SNAP25: variants seen among roughly 807,000 people sequenced by gnomAD.
SNAP25 encodes synaptosome associated protein 25, also known as synaptosomal-associated protein 25.
SNAP25 carries 3 observed loss-of-function variants against 28.7 expected under a neutral mutation model. The observed-to-expected ratio is 0.10, with a 90% CI of 0.05 to 0.27. The LOEUF is 0.27. SNAP25 is among the 10% of genes least tolerant of loss of function. The pLI is 1.00. For synonymous variants in SNAP25, 61 were observed against 88.1 expected, an observed-to-expected ratio of 0.69 and a Z score of 1.72; for missense variants, 117 against 278.7, an observed-to-expected ratio of 0.42 and a Z score of 4.13.
At chr20:10,222,833 C>A (rs1347053955) in intron 1 of SNAP25, among the ~76,000 whole-genome samples, 1 of 152,118 alleles carries the variant, frequency 6.6e-6, no homozygotes, top group East Asian at 1.9e-4. Flanking sequence ...ACATATAATT[C>A]CTGCTTGGAA....
Position 10,224,257 on chromosome 20 carries a change from C to CTTTTTTT in SNAP25, c.-64+5309_-64+5315dup, listed in dbSNP as rs71332917. 2.9e-3 allele frequency among the ~76,000 whole-genome samples: 50 copies of CTTTTTTT among 17,410 alleles called. 6 individuals are homozygous for CTTTTTTT. The highest frequency in any genetic ancestry group is 7.3e-3 in the African/African-American group (27 of 3,684). 11.4% of individuals were successfully genotyped at this position (17,410 alleles called of 152,430 possible). A position where few individuals can be genotyped will look rare whatever the true frequency, so the allele number is the denominator to read the frequency against. ...AATAAGGCATAGAGAATGTACATGTCTTTTTTTTTTTTTTTTTTTTTTTTT... is the reference window on the plus strand; with the variant it reads ...AATAAGGCATAGAGAATGTACATGTCTTTTTTTTTTTTTTTTTTTTTTTTTTTTTTTT... On this transcript the variant is annotated intron_variant, in intron 1 of 7. Transcript: ENST00000254976.
At chr20:10,248,611 T>C (rs898651965) in intron 1 of SNAP25, among the ~76,000 whole-genome samples, 6 of 152,158 alleles carry the variant, frequency 3.9e-5, no homozygotes, top group African/African-American at 1.4e-4. Context: ...CAACGATCAT[T>C]TTTGAGATGA....
rs190459608 is a variant in SNAP25 at position 10,247,142 on chromosome 20, C to G, written c.-64+28165C>G. On this transcript the variant is annotated intron_variant, in intron 1 of 7. Transcript: ENST00000254976. ...AGTTAGAAAAGAACTGGCAATTTCT[C>G]GATGGCAAATGCAAACATCTTTTTT... is the stretch of plus-strand genomic sequence containing the variant. Among the ~76,000 whole-genome samples, 127 of 152,236 alleles carry G rather than the reference C, an allele frequency of 8.3e-4. 1 individual carries two copies. The highest frequency in any genetic ancestry group is 2.9e-3 in the Admixed American group (44 of 15,294).
chr20:10,241,109 T>C (rs1350743025), intron 1 of SNAP25, among the ~76,000 whole-genome samples: 2 of 145,338 alleles, frequency 1.4e-5, no homozygotes, highest in African/African-American at 5.0e-5. Context: ...AGGGCCGACA[T>C]GGGCTTTCCT....
chr20:10,253,933 G>T (rs2063274315), intron 1 of SNAP25, among the ~76,000 whole-genome samples: 1 of 152,162 alleles, frequency 6.6e-6, no homozygotes, highest in Admixed American at 6.5e-5. Flanking sequence ...GACTGGCAGG[G>T]TTCCCTACGC....
chr20:10,223,362 T>C (rs534677610), intron 1 of SNAP25, among the ~76,000 whole-genome samples: 1 of 152,204 alleles, frequency 6.6e-6, no homozygotes, highest in Non-Finnish European at 1.5e-5. Flanking sequence ...TGGGTTCATG[T>C]AGAGGAAGAA....
chr20:10,234,981 G>A lies in SNAP25; in HGVS notation c.-64+16004G>A, dbSNP rs185498991. ...AGAGGCCAAGGCAGAAGGATCACTT[G>A]AGCCCAAGAATTCAAGGGTTCAGCG... is the stretch of plus-strand genomic sequence containing the variant. On this transcript the variant is annotated intron_variant, in intron 1 of 7. Coordinates refer to ENST00000254976, the MANE Select transcript of SNAP25 (RefSeq NM_130811.4). Among the ~76,000 whole-genome samples the A allele has an allele frequency of 1.6e-4, 25 of 152,348 alleles. No individual in the cohort carries two copies. In the East Asian group the frequency reaches 4.2e-3, roughly 26 times the overall value.
chr20:10,254,450 A>G (rs555771237), intron 1 of SNAP25, among the ~76,000 whole-genome samples: 5 of 152,276 alleles, frequency 3.3e-5, no homozygotes, highest in African/African-American at 1.2e-4. Context: ...CATTCCCTCA[A>G]CAAATTCCCT....
At chr20:10,302,698 A>C (rs1321456391) in intron 7 of SNAP25, among the ~76,000 whole-genome samples, 1 of 152,214 alleles carries the variant, frequency 6.6e-6, no homozygotes, top group Non-Finnish European at 1.5e-5. Flanking sequence ...CAGCCATCAT[A>C]AATAAAGTCC....
chr20:10,301,396 C>T (rs1465117420), intron 7 of SNAP25, among the ~76,000 whole-genome samples: 1 of 152,154 alleles, frequency 6.6e-6, no homozygotes, highest in Non-Finnish European at 1.5e-5. Flanking sequence ...CCAGTCAGCA[C>T]TTTAAATAGC....
At chr20:10,261,393 T>G (rs2063412238) in intron 1 of SNAP25, among the ~76,000 whole-genome samples, 3 of 152,182 alleles carry the variant, frequency 2.0e-5, no homozygotes, top group African/African-American at 7.2e-5. Context: ...ACTCAGAGCC[T>G]CTCTTTGCCA....
intron 1 of SNAP25, among the ~76,000 whole-genome samples, chr20:10,233,782 A>G (rs2122685795): frequency 6.6e-6 from 1 of 152,290 alleles, no homozygotes; most frequent in African/African-American, 2.4e-5. Flanking sequence ...CTAGTATCTC[A>G]GGCGTCTGGT....
intron 1 of SNAP25, among the ~76,000 whole-genome samples, chr20:10,274,643 A>G (rs1600730841): frequency 6.6e-6 from 1 of 152,264 alleles, no homozygotes; most frequent in East Asian, 1.9e-4. Context: ...GGAGATCGAG[A>G]CCATCCTGGC....
intron 1 of SNAP25, among the ~76,000 whole-genome samples, chr20:10,258,606 C>T (rs1026017576): frequency 1.3e-5 from 2 of 152,138 alleles, no homozygotes; most frequent in Admixed American, 6.5e-5. Context: ...CTAATGCAAG[C>T]GCCTTTTAAA....
In SNAP25 at chr20:10,306,359, G is replaced by C; in HGVS notation, c.*162G>C. ...TCTGTCAGCTTCCCAACAATACTTT[G>C]TGTCTTTTGTTCTCTCTTGGTCTCT... On this transcript the variant is annotated 3_prime_UTR_variant, in exon 8 of 8. Coordinates refer to ENST00000254976, the MANE Select transcript of SNAP25 (RefSeq NM_130811.4). 2 of 603,936 alleles carry C rather than the reference G, an allele frequency of 3.3e-6. No homozygotes were observed. Among genetic ancestry groups the C allele is most frequent in the South Asian group, 2.4e-5 (1 of 40,934 alleles). The allele number at this position is 603,936 out of a possible 1,614,324, so 37.4% of individuals were successfully genotyped here. A position where few individuals can be genotyped will look rare whatever the true frequency, so the allele number is the denominator to read the frequency against.
In SNAP25 at chr20:10,250,323, G is replaced by T. The variant is rs553760042; in HGVS notation, c.-63-25106G>T. Among the ~76,000 whole-genome samples the T allele has an allele frequency of 2.6e-5, 4 of 152,276 alleles. 1 individual carries two copies. In the South Asian group the frequency reaches 6.2e-4, roughly 24 times the overall value. Reference sequence around the variant, plus strand: ...TGTTGAGTGTAAGTAAATGGAAGAGGTATGGTATGGCTTCATGATTTCCTG... The same window carrying T: ...TGTTGAGTGTAAGTAAATGGAAGAGTTATGGTATGGCTTCATGATTTCCTG... On this transcript the variant is annotated intron_variant, in intron 1 of 7. Transcript: ENST00000254976.
At chr20:10,236,085 G>T (rs972680618) in intron 1 of SNAP25, among the ~76,000 whole-genome samples, 1 of 152,174 alleles carries the variant, frequency 6.6e-6, no homozygotes, top group Admixed American at 6.5e-5. Context: ...GTCAGAGAGA[G>T]CCCCACCTCT....
intron 1 of SNAP25, among the ~76,000 whole-genome samples, chr20:10,223,214 C>G (rs992536922): frequency 6.6e-6 from 1 of 152,178 alleles, no homozygotes; most frequent in African/African-American, 2.4e-5. Flanking sequence ...TTTGCTGACT[C>G]TTGCTAGTTA....
intron 1 of SNAP25, among the ~76,000 whole-genome samples, chr20:10,220,761 A>G (rs570883928): frequency 6.6e-6 from 1 of 152,378 alleles, no homozygotes; most frequent in South Asian, 2.1e-4. Flanking sequence ...AAGAAACGCT[A>G]TCATGATCCC....
Sources: gnomAD v4.1 joint callset for allele counts (sites outside exome capture counted in the v4.1 genomes callset) on GRCh38, gnomAD v4.1.1 for gene constraint, MANE v1.5 for transcripts, NCBI Gene and HGNC (gene_info 2026-07-23, HGNC 2026-07-21) for gene names.